Variants in VPS13A observed in about 807,000 individuals in gnomAD.
The protein encoded by VPS13A is intermembrane lipid transfer protein VPS13A.
Under a neutral mutation model 390.9 loss-of-function variants are expected in VPS13A, and 264 were observed. The observed-to-expected ratio is 0.68, with a 90% CI of 0.61 to 0.75. VPS13A has a LOEUF of 0.75. Ranked by LOEUF, VPS13A falls within the 30% of genes least tolerant of loss-of-function variation. VPS13A has a pLI of 0.00. For missense variants in VPS13A, 3,409 were observed against 3,733.9 expected (o/e 0.91, Z 2.27); for synonymous variants, 1,231 against 1,227.1 (o/e 1.00, Z -0.07).
intron 1 of VPS13A, among the ~76,000 whole-genome samples, chr9:77,187,831 C>T (rs114732012): frequency 1.4e-4 from 21 of 152,142 alleles, no homozygotes; most frequent in South Asian, 1.0e-3. Context: ...GCATAGTACC[C>T]GATAGATAGT....
At chr9:77,311,377 T>C (rs765287627) in intron 35 of VPS13A, among the ~76,000 whole-genome samples, 7 of 152,218 alleles carry the variant, frequency 4.6e-5, no homozygotes, top group Non-Finnish European at 1.0e-4. Flanking sequence ...GACATTACTT[T>C]TTAAATATAG....
Position 77,365,577 on chromosome 9 carries a change from G to A in VPS13A, c.8325+4G>A, listed in dbSNP as rs1023323224. The A allele has an allele frequency of 7.0e-6, 11 of 1,569,194 alleles. No homozygotes were observed. Among genetic ancestry groups the A allele is most frequent in the Admixed American group, 6.7e-5 (4 of 59,880 alleles). Reference sequence around the variant, plus strand: ...TTTTCATATATCTCCTATCAAGGTAGGAGAAAGTCATTTTTATTGTCCTTG... The same window carrying A: ...TTTTCATATATCTCCTATCAAGGTAAGAGAAAGTCATTTTTATTGTCCTTG... On this transcript the variant is annotated splice_donor_region_variant and intron_variant, in intron 60 of 71. Coordinates refer to ENST00000360280, the MANE Select transcript of VPS13A (RefSeq NM_033305.3).
intron 68 of VPS13A, chr9:77,390,024 G>T (rs1046282331): frequency 1.0e-5 from 10 of 963,332 alleles, no homozygotes; most frequent in Non-Finnish European, 1.2e-5. Context: ...GTCAGCCGAC[G>T]TGGTCTTTCC....
intron 35 of VPS13A, among the ~76,000 whole-genome samples, chr9:77,313,608 G>C (rs1256035695): frequency 1.3e-5 from 2 of 151,996 alleles, no homozygotes; most frequent in East Asian, 3.9e-4. Context: ...AATGTCTCTT[G>C]GTTTTAGTTT....
intron 71 of VPS13A, among the ~76,000 whole-genome samples, chr9:77,409,674 C>T (rs904614298): frequency 1.7e-4 from 26 of 150,988 alleles, no homozygotes; most frequent in Admixed American, 1.5e-3. Flanking sequence ...GTAACTGATG[C>T]GATCAACTGG....
chr9:77,300,927 A>G lies in VPS13A; in HGVS notation c.3813-1988A>G, dbSNP rs74687051. Among the ~76,000 whole-genome samples, 1,289 of 152,368 alleles carry G rather than the reference A, an allele frequency of 8.5e-3. 10 individuals are homozygous for G. Among genetic ancestry groups the G allele is most frequent in the South Asian group, 0.014 (67 of 4,832 alleles). On this transcript the variant is annotated intron_variant, in intron 33 of 71. Coordinates refer to ENST00000360280, the MANE Select transcript of VPS13A (RefSeq NM_033305.3). ...TGACAAAAAGCAAAGAATAAGATGAACATAGTTCCTGCCCTCATGAAGCTT... is the reference window on the plus strand; with the variant it reads ...TGACAAAAAGCAAAGAATAAGATGAGCATAGTTCCTGCCCTCATGAAGCTT...
At position 77,361,496 on chromosome 9, in the gene VPS13A, G is replaced by A. The variant is rs371147084; in HGVS notation, c.8211+855G>A. On this transcript the variant is annotated intron_variant, in intron 59 of 71. Coordinates refer to ENST00000360280, the MANE Select transcript of VPS13A (RefSeq NM_033305.3). ...TTTATCCATATATCTGTTAATGGAC[G>A]TTTGGGTTGTTTACACATTTTGGCT... 3.3e-5 allele frequency among the ~76,000 whole-genome samples: 5 copies of A among 152,158 alleles called. No homozygotes were observed. In the East Asian group the frequency reaches 5.8e-4, roughly 18 times the overall value.
At chr9:77,217,764 A>C (rs1025757600) in intron 10 of VPS13A, among the ~76,000 whole-genome samples, 1 of 149,932 alleles carries the variant, frequency 6.7e-6, no homozygotes, top group Non-Finnish European at 1.5e-5. Flanking sequence ...TGTGGTAAAC[A>C]TACAAGCGCT....
chr9:77,361,847 T>C (rs540067021), intron 59 of VPS13A, among the ~76,000 whole-genome samples: 2 of 152,086 alleles, frequency 1.3e-5, no homozygotes, highest in African/African-American at 2.4e-5. Context: ...TCATAATGGG[T>C]GAATGTGAAA....
At chr9:77,284,459 A>T (rs1162842976) in intron 31 of VPS13A, among the ~76,000 whole-genome samples, 2 of 152,214 alleles carry the variant, frequency 1.3e-5, no homozygotes, top group East Asian at 3.8e-4. Context: ...AACAGTTCCA[A>T]CATCAAAAAG....
chr9:77,374,294 G>GT (rs1386685632), intron 67 of VPS13A, among the ~76,000 whole-genome samples: 3 of 152,124 alleles, frequency 2.0e-5, no homozygotes, highest in African/African-American at 7.2e-5. Flanking sequence ...ATTAGGCTCA[G>GT]TAAGATATTA....
At chr9:77,321,362 A>T in intron 43 of VPS13A, 35 bp downstream of exon 43, 2 of 1,586,484 alleles carry the variant, frequency 1.3e-6, no homozygotes, top group African/African-American at 1.3e-5. Flanking sequence ...AAATATTGAG[A>T]TACTTGTCTG....
At chr9:77,225,733 C>T (rs1470347344) in intron 13 of VPS13A, among the ~76,000 whole-genome samples, 193 bp from the exon 14 acceptor site, 1 of 152,112 alleles carries the variant, frequency 6.6e-6, no homozygotes, top group African/African-American at 2.4e-5. Flanking sequence ...CTCTAATTTA[C>T]TAATTTCCAT....
Position 77,207,252 on chromosome 9 carries a change from T to TATATATTA in VPS13A, c.385+1174_385+1175insTATATTAA. On this transcript the variant is annotated intron_variant, in intron 5 of 71. Transcript: ENST00000360280. ...ATATATATATATATATATATATATA[T>TATATATTA]AAAACGTGTTATATGTAACATAACA... Among the ~76,000 whole-genome samples, 347 of 87,228 alleles carry TATATATTA rather than the reference T, an allele frequency of 4.0e-3. 14 individuals carry two copies. The highest frequency in any genetic ancestry group is 7.1e-3 in the African/African-American group (174 of 24,664). 57.2% of individuals were successfully genotyped at this position (87,228 alleles called of 152,430 possible). A position where few individuals can be genotyped will look rare whatever the true frequency, so the allele number is the denominator to read the frequency against.
intron 3 of VPS13A, among the ~76,000 whole-genome samples, chr9:77,202,110 A>C (rs997079977): frequency 1.3e-5 from 2 of 152,120 alleles, no homozygotes; most frequent in Non-Finnish European, 2.9e-5. Context: ...TACTGTTGTC[A>C]CTTGGGGAAC....
intron 1 of VPS13A, among the ~76,000 whole-genome samples, chr9:77,198,639 TA>T (rs1412063778): frequency 6.6e-6 from 1 of 152,084 alleles, no homozygotes; most frequent in African/African-American, 2.4e-5. Flanking sequence ...CACGTACTTT[TA>T]TTTTTTTTGT....
At chr9:77,341,890 G>A (rs866103498) in intron 50 of VPS13A, among the ~76,000 whole-genome samples, 1 of 151,644 alleles carries the variant, frequency 6.6e-6, no homozygotes, top group Non-Finnish European at 1.5e-5. Flanking sequence ...AGTAGTTAAA[G>A]CCCATCTTTA....
intron 36 of VPS13A, 133 bp from the exon 37 acceptor site, chr9:77,314,362 C>T (rs1446517736): frequency 9.8e-7 from 1 of 1,020,110 alleles, no homozygotes; most frequent in Non-Finnish European, 1.4e-6. Context: ...TTTAGCCTTT[C>T]ATTAGAGCCC....
chr9:77,286,306 C>T (rs931555923), intron 31 of VPS13A, among the ~76,000 whole-genome samples: 1 of 152,152 alleles, frequency 6.6e-6, no homozygotes, highest in Non-Finnish European at 1.5e-5. Flanking sequence ...CAACAAAACA[C>T]CCTCGAGGGG....
Sources: gnomAD v4.1 joint callset for allele counts (sites outside exome capture counted in the v4.1 genomes callset) on GRCh38, gnomAD v4.1.1 for gene constraint, MANE v1.5 for transcripts, NCBI Gene and HGNC (gene_info 2026-07-23, HGNC 2026-07-21) for gene names.